Variants in WDR48 observed in about 807,000 individuals in gnomAD.
WDR48 encodes the protein WD repeat domain 48, also known as WD repeat-containing protein 48.
WDR48 carries 22 observed loss-of-function variants against 94.0 expected under a neutral mutation model. The ratio of observed to expected loss-of-function variants is 0.23; its 90% CI spans 0.17 to 0.33. The LOEUF (loss-of-function observed/expected upper bound fraction) is 0.33, where lower values mean the gene tolerates loss of function less well. Among genes scored for constraint, WDR48 ranks in the 10% least tolerant of loss-of-function variants. The probability of loss-of-function intolerance (pLI) is 1.00; values close to 1 mark genes in which losing one functional copy is unlikely to be tolerated. For missense variants in WDR48, 541 were observed against 813.8 expected (o/e 0.66, Z 4.08); for synonymous variants, 278 against 280.5 (o/e 0.99, Z 0.09).
chr3:39,063,416 T>G (rs2033399448), intron 2 of WDR48, among the ~76,000 whole-genome samples: 1 of 152,204 alleles, frequency 6.6e-6, no homozygotes. Context: ...TAAACTAGGT[T>G]TGCCTTACAG....
chr3:39,083,573 A>G (rs930527405), intron 11 of WDR48, among the ~76,000 whole-genome samples: 1 of 152,124 alleles, frequency 6.6e-6, no homozygotes, highest in African/African-American at 2.4e-5. Context: ...AATCAGAGTC[A>G]TGTGCTGAGG....
chr3:39,093,608 T>C (rs781105420), intron 17 of WDR48, among the ~76,000 whole-genome samples: 10 of 152,234 alleles, frequency 6.6e-5, no homozygotes, highest in South Asian at 4.1e-4. Flanking sequence ...AGTGCTGAGA[T>C]TATAGGCGTG....
At chr3:39,072,956 A>G (rs1183367584) in intron 7 of WDR48, among the ~76,000 whole-genome samples, 1 of 152,164 alleles carries the variant, frequency 6.6e-6, no homozygotes, top group Admixed American at 6.5e-5. Flanking sequence ...GGTTGATAAA[A>G]CTGTGTTTCC....
chr3:39,085,226 CA>C (rs34102329), intron 13 of WDR48, among the ~76,000 whole-genome samples: 6,252 of 139,166 alleles, frequency 0.045, 436 homozygotes, highest in African/African-American at 0.15. Flanking sequence ...GACTCTATCT[CA>C]AAAAAAAAAA....
At chr3:39,072,824 A>T (rs1020520522) in intron 7 of WDR48, among the ~76,000 whole-genome samples, 4 of 152,154 alleles carry the variant, frequency 2.6e-5, no homozygotes, top group African/African-American at 7.2e-5. Context: ...TTATACTACC[A>T]AATGCTGCGA....
At chr3:39,063,864 C>G (rs1390084874) in intron 2 of WDR48, among the ~76,000 whole-genome samples, 1 of 152,148 alleles carries the variant, frequency 6.6e-6, no homozygotes, top group Non-Finnish European at 1.5e-5. Flanking sequence ...GGGAGGATCA[C>G]TTGATTGAGT....
chr3:39,054,474 G>A (rs4676628), intron 1 of WDR48, among the ~76,000 whole-genome samples: 72,993 of 152,042 alleles, frequency 0.48, 21,417 homozygotes, highest in African/African-American at 0.84. Context: ...GTTGAGAACC[G>A]CTGTTCTATA....
chr3:39,087,963 T>C (rs2034895742), intron 14 of WDR48, 165 bp from the exon 15 acceptor site: 7 of 623,662 alleles, frequency 1.1e-5, no homozygotes, highest in Non-Finnish European at 1.9e-5. Context: ...GTGTTTCTTA[T>C]TTTCAGAAAT....
chr3:39,053,817 GA>G (rs1374577274), intron 1 of WDR48, among the ~76,000 whole-genome samples: 1 of 152,160 alleles, frequency 6.6e-6, no homozygotes, highest in African/African-American at 2.4e-5. Context: ...AGCAGGTTTG[GA>G]AAAACAGTGT....
chr3:39,093,858 C>T lies in WDR48; in HGVS notation c.1746-16C>T. ...TGATTTCCCTGATGTCACAATATGC[C>T]ATTGCTTTTTTACAGAGATAGACTC... On this transcript the variant is annotated splice_polypyrimidine_tract_variant and intron_variant, in intron 17 of 18. Transcript: ENST00000302313. 1 of 1,519,986 alleles carries T rather than the reference C, an allele frequency of 6.6e-7. No homozygotes were observed. Among genetic ancestry groups the T allele is most frequent in the Non-Finnish European group, 8.8e-7 (1 of 1,135,260 alleles). 94.2% of individuals were successfully genotyped at this position (1,519,986 alleles called of 1,614,324 possible). A position where few individuals can be genotyped will look rare whatever the true frequency, so the allele number is the denominator to read the frequency against.
chr3:39,078,247 A>G lies in WDR48; in HGVS notation c.1075+8A>G. Reference sequence around the variant, plus strand: ...CTGACCAGGTTATTAAAGGTAAGAAAATGGAAGGTACTGTACCCCTTATTG... The same window carrying G: ...CTGACCAGGTTATTAAAGGTAAGAAGATGGAAGGTACTGTACCCCTTATTG... On this transcript the variant is annotated splice_region_variant and intron_variant, in intron 10 of 18. Coordinates refer to ENST00000302313, the MANE Select transcript of WDR48 (RefSeq NM_020839.4). 6.3e-7 allele frequency: 1 copy of G among 1,594,656 alleles called. No homozygotes were observed. The highest frequency in any genetic ancestry group is 8.6e-7 in the Non-Finnish European group (1 of 1,164,520).
rs536168066 is a variant in WDR48 at position 39,079,471 on chromosome 3, AATCCATAATGTATT to A, written c.1076-237_1076-224del. Among the ~76,000 whole-genome samples, 35 of 152,346 alleles carry A rather than the reference AATCCATAATGTATT, an allele frequency of 2.3e-4. 1 individual carries two copies. In the South Asian group the frequency reaches 7.2e-3, roughly 32 times the overall value. On this transcript the variant is annotated intron_variant, in intron 10 of 18. Transcript: ENST00000302313. ...ACCCCCTTGACATGAAGAGCCCTTT[AATCCATAATGTATT>A]ATTAAAATCAGATAGTTTTTCTTTG...
At chr3:39,075,450 A>C (rs61407711) in intron 8 of WDR48, among the ~76,000 whole-genome samples, 12,507 of 152,050 alleles carry the variant, frequency 0.082, 722 homozygotes, top group African/African-American at 0.16. Context: ...AGGAAGTGGA[A>C]GAGTACTCTC....
At chr3:39,092,478 C>T (rs552093025) in intron 17 of WDR48, among the ~76,000 whole-genome samples, 1 of 152,154 alleles carries the variant, frequency 6.6e-6, no homozygotes, top group South Asian at 2.1e-4. Context: ...GACCCATGCA[C>T]CTGCAGCATG....
chr3:39,062,666 A>T (rs1047546116), intron 1 of WDR48, among the ~76,000 whole-genome samples: 56 of 152,338 alleles, frequency 3.7e-4, no homozygotes, highest in African/African-American at 1.3e-3. Context: ...CAAACAGGGT[A>T]CTTGAGACCA....
At chr3:39,058,525 T>C (rs922430178) in intron 1 of WDR48, among the ~76,000 whole-genome samples, 1 of 152,178 alleles carries the variant, frequency 6.6e-6, no homozygotes, top group Admixed American at 6.5e-5. Context: ...GATTTAGATA[T>C]GCTGCACAGT....
At chr3:39,087,484 G>A (rs1324737503) in intron 14 of WDR48, among the ~76,000 whole-genome samples, 3 of 152,188 alleles carry the variant, frequency 2.0e-5, no homozygotes, top group African/African-American at 7.2e-5. Context: ...CAGTTGTGGT[G>A]GTGTGTGCCT....
intron 2 of WDR48, among the ~76,000 whole-genome samples, chr3:39,063,683 C>T (rs1367254155): frequency 1.3e-5 from 2 of 152,152 alleles, no homozygotes; most frequent in Non-Finnish European, 2.9e-5. Context: ...TGGCCCACAC[C>T]TGCAATCCCA....
chr3:39,069,784 T>A (rs781531818), intron 7 of WDR48, 40 bp downstream of exon 7: 1 of 1,565,798 alleles, frequency 6.4e-7, no homozygotes. Flanking sequence ...ATAACCTTGT[T>A]AGAAATTTCC....
Sources: gnomAD v4.1 joint callset for allele counts (sites outside exome capture counted in the v4.1 genomes callset) on GRCh38, gnomAD v4.1.1 for gene constraint, MANE v1.5 for transcripts, NCBI Gene and HGNC (gene_info 2026-07-23, HGNC 2026-07-21) for gene names.